TAFA5: variants seen among roughly 807,000 people sequenced by gnomAD.
TAFA5 encodes chemokine-like protein TAFA-5.
In TAFA5, 6 loss-of-function variants were observed where a neutral mutation model predicts 15.3. That is an observed-to-expected ratio of 0.39 (90% CI 0.21 to 0.77). The LOEUF (loss-of-function observed/expected upper bound fraction) is 0.77, where lower values mean the gene tolerates loss of function less well. Among genes scored for constraint, TAFA5 ranks in the 30% least tolerant of loss-of-function variants. TAFA5 has a pLI of 0.41. For missense variants in TAFA5, 161 were observed against 193.1 expected (o/e 0.83, Z 0.98); for synonymous variants, 103 against 80.7 (o/e 1.28, Z -1.48).
rs542233049 is a variant in TAFA5 at position 48,489,804 on chromosome 22, G to A, written c.112+100G>A. The A allele has an allele frequency of 3.8e-4, 245 of 646,036 alleles. 3 individuals carry two copies. The Admixed American group carries it at 6.9e-3, about 18-fold the overall frequency. The allele number at this position is 646,036 out of a possible 1,614,324, so 40.0% of individuals were successfully genotyped here. On this transcript the variant is annotated intron_variant, in intron 1 of 3. Coordinates refer to ENST00000402357, the MANE Select transcript of TAFA5 (RefSeq NM_001082967.3). This position sits in a 1 kb window ranked among gnomAD's most constrained non-coding sequence, Gnocchi z 5.5. ...CCCGCGGGCCTCCCGGAGTCGGCGC[G>A]GAGTTACGAGCGCCGGGCGCATGGT... is the stretch of plus-strand genomic sequence containing the variant.
chr22:48,605,546 CT>C (rs1173181151), intron 1 of TAFA5, among the ~76,000 whole-genome samples: 1 of 151,950 alleles, frequency 6.6e-6, no homozygotes, highest in East Asian at 1.9e-4. Context: ...TTTTTTATGT[CT>C]TACTGCATTT....
chr22:48,509,094 A>G (rs1489751757), intron 1 of TAFA5, among the ~76,000 whole-genome samples: 1 of 152,238 alleles, frequency 6.6e-6, no homozygotes, highest in Non-Finnish European at 1.5e-5. Flanking sequence ...TGTTTCACTT[A>G]ACACAATGCC....
At chr22:48,601,641 A>G (rs973042208) in intron 1 of TAFA5, among the ~76,000 whole-genome samples, 1 of 152,070 alleles carries the variant, frequency 6.6e-6, no homozygotes, top group East Asian at 1.9e-4. Context: ...ATATCTTTTG[A>G]ATGGGTCTTT....
chr22:48,531,810 C>T (rs972821421), intron 1 of TAFA5, among the ~76,000 whole-genome samples: 1 of 152,160 alleles, frequency 6.6e-6, no homozygotes, highest in Non-Finnish European at 1.5e-5. Flanking sequence ...GGGAGGCTGA[C>T]CCTGGAGGAA....
At chr22:48,676,734 T>C (rs1927985479) in intron 2 of TAFA5, among the ~76,000 whole-genome samples, 1 of 152,226 alleles carries the variant, frequency 6.6e-6, no homozygotes. Flanking sequence ...TATGCACTGC[T>C]CATGGCTTGG....
At chr22:48,735,306 G>A (rs945331569) in intron 3 of TAFA5, among the ~76,000 whole-genome samples, 2 of 152,182 alleles carry the variant, frequency 1.3e-5, no homozygotes, top group Non-Finnish European at 2.9e-5. Flanking sequence ...CATGACGCTA[G>A]GAGACAGATC....
At chr22:48,602,424 T>G (rs1179919985) in intron 1 of TAFA5, among the ~76,000 whole-genome samples, 7 of 152,170 alleles carry the variant, frequency 4.6e-5, no homozygotes, top group African/African-American at 1.7e-4. Flanking sequence ...ACTGGTGGGG[T>G]GACCCCGAGG....
chr22:48,491,424 T>G (rs558050443), intron 1 of TAFA5, among the ~76,000 whole-genome samples: 1 of 152,088 alleles, frequency 6.6e-6, no homozygotes, highest in Admixed American at 6.5e-5. Flanking sequence ...TCAGCAGTGT[T>G]TGGGGAGGGG....
chr22:48,718,274 C>G (rs991267829), intron 3 of TAFA5, among the ~76,000 whole-genome samples: 1 of 152,156 alleles, frequency 6.6e-6, no homozygotes, highest in Non-Finnish European at 1.5e-5. Flanking sequence ...CCGCTGTGGC[C>G]GTCATTAGTC....
At chr22:48,613,868 CAGAGTCTCCAGGCCCCCATGGCTGA>C in intron 1 of TAFA5, among the ~76,000 whole-genome samples, 1 of 152,204 alleles carries the variant, frequency 6.6e-6, no homozygotes, top group Non-Finnish European at 1.5e-5. Flanking sequence ...CACAGCTGCA[CAGAGTCTCCAGGCCCCCATGGCTGA>C]AGAGGCTCCT....
At chr22:48,576,471 G>C in intron 1 of TAFA5, 1 of 1,446,718 alleles carries the variant, frequency 6.9e-7, no homozygotes, top group Non-Finnish European at 9.2e-7. Context: ...GGCCGAGTTG[G>C]GACTCCGCGA....
At chr22:48,737,804 C>A (rs1268712881) in intron 3 of TAFA5, among the ~76,000 whole-genome samples, 1 of 152,326 alleles carries the variant, frequency 6.6e-6, no homozygotes, top group African/African-American at 2.4e-5. Flanking sequence ...GGCAAATGGG[C>A]AGCCTTGTGG....
At chr22:48,522,798 A>C (rs565031789) in intron 1 of TAFA5, among the ~76,000 whole-genome samples, 4 of 152,324 alleles carry the variant, frequency 2.6e-5, no homozygotes, top group Non-Finnish European at 4.4e-5. Context: ...AGGAGCCCAC[A>C]TGCCCCCAGG....
At chr22:48,527,537 G>A (rs1397831648) in intron 1 of TAFA5, among the ~76,000 whole-genome samples, 3 of 152,238 alleles carry the variant, frequency 2.0e-5, no homozygotes, top group Non-Finnish European at 4.4e-5. Flanking sequence ...CGTTCAGGAA[G>A]GACATGGTGC....
chr22:48,589,193 A>G (rs564204629), intron 1 of TAFA5, among the ~76,000 whole-genome samples: 1 of 152,326 alleles, frequency 6.6e-6, no homozygotes, highest in Admixed American at 6.5e-5. Flanking sequence ...TTTGGCATGC[A>G]CGTATTGAGT....
intron 1 of TAFA5, among the ~76,000 whole-genome samples, chr22:48,500,549 A>C (rs1920946250): frequency 6.6e-6 from 1 of 152,180 alleles, no homozygotes. Context: ...CTGAGGAGGA[A>C]GGGGGTGTGG....
intron 1 of TAFA5, among the ~76,000 whole-genome samples, chr22:48,522,390 G>A (rs958781933): frequency 4.6e-5 from 7 of 152,046 alleles, no homozygotes; most frequent in Non-Finnish European, 1.0e-4. Context: ...GTCCGGAGGC[G>A]GCCACCTCCC....
intron 3 of TAFA5, among the ~76,000 whole-genome samples, chr22:48,749,227 G>A (rs542250490): frequency 6.6e-6 from 1 of 152,314 alleles, no homozygotes; most frequent in African/African-American, 2.4e-5. Flanking sequence ...AGCAGGAACA[G>A]GCCCTGTCCA....
intron 1 of TAFA5, among the ~76,000 whole-genome samples, chr22:48,570,590 C>G (rs1352185009): frequency 6.6e-6 from 1 of 152,216 alleles, no homozygotes; most frequent in Non-Finnish European, 1.5e-5. Flanking sequence ...CTTCTTAATT[C>G]ATCACCTCTG....
Sources: gnomAD v4.1 joint callset for allele counts (sites outside exome capture counted in the v4.1 genomes callset) on GRCh38, gnomAD v4.1.1 for gene constraint, Gnocchi (gnomAD v3.1) non-coding constraint, MANE v1.5 for transcripts, NCBI Gene and HGNC (gene_info 2026-07-23, HGNC 2026-07-21) for gene names.